Variants in LANCL1 observed in about 807,000 individuals in gnomAD.
LANCL1 encodes glutathione S-transferase LANCL1.
A neutral mutation model predicts 50.6 loss-of-function variants in LANCL1; 50 were observed. The observed-to-expected ratio is 0.99, with a 90% confidence interval of 0.79 to 1.25. The LOEUF (loss-of-function observed/expected upper bound fraction) is 1.25, where lower values mean the gene tolerates loss of function less well. Among genes scored for constraint, LANCL1 ranks in the 50% most tolerant of loss-of-function variants. The pLI, the probability that LANCL1 is intolerant of heterozygous loss-of-function variation, is 0.00. For missense variants in LANCL1, 532 were observed against 480.7 expected, an observed-to-expected ratio of 1.11 and a Z score of -1.00; for synonymous variants, 188 against 178.6, an observed-to-expected ratio of 1.05 and a Z score of -0.42.
At chr2:210,438,772 C>T (rs1042549664) in intron 6 of LANCL1, among the ~76,000 whole-genome samples, 30 of 152,178 alleles carry the variant, frequency 2.0e-4, no homozygotes, top group African/African-American at 5.8e-4. Flanking sequence ...GACATAACAA[C>T]GTACAGATCC....
In LANCL1 at chr2:210,455,102, A is replaced by T; in HGVS notation, c.407+5T>A. On this transcript the variant is annotated splice_donor_5th_base_variant and intron_variant, in intron 4 of 9. Transcript: ENST00000450366. ...AAAATAATCCTCATATAGAAACATGATTACCGTGTGATGCAATCTTCTGCC... is the reference window on the plus strand; with the variant it reads ...AAAATAATCCTCATATAGAAACATGTTTACCGTGTGATGCAATCTTCTGCC... The T allele has an allele frequency of 6.2e-7, 1 of 1,609,138 alleles. No individual in the cohort carries two copies. Among genetic ancestry groups the T allele is most frequent in the Non-Finnish European group, 8.5e-7 (1 of 1,175,784 alleles).
chr2:210,436,508 G>T, intron 7 of LANCL1, 116 bp from the exon 8 acceptor site: 1 of 961,006 alleles, frequency 1.0e-6, no homozygotes, highest in Non-Finnish European at 1.6e-6. Flanking sequence ...AAGGGTAAAG[G>T]ATTTAGTGAC....
rs1467560081 is a variant in LANCL1, at chr2:210,433,000, A to G, written c.*1487T>C. On this transcript the variant is annotated 3_prime_UTR_variant, in exon 10 of 10. Coordinates refer to ENST00000450366, the MANE Select transcript of LANCL1 (RefSeq NM_006055.3). ...TTGGTGCTAAACAGGAGATAATAGGAGACTGCTACCTGCAGGAACCAGTAC... is the reference window on the plus strand; with the variant it reads ...TTGGTGCTAAACAGGAGATAATAGGGGACTGCTACCTGCAGGAACCAGTAC... 1 of 152,650 alleles carries G rather than the reference A, an allele frequency of 6.6e-6. No homozygotes were observed. The highest frequency in any genetic ancestry group is 1.9e-4 in the East Asian group (1 of 5,194). 9.5% of individuals were successfully genotyped at this position (152,650 alleles called of 1,614,324 possible).
At position 210,432,263 on chromosome 2, in the gene LANCL1, A is replaced by T. The variant is rs1367642579; in HGVS notation, c.*2224T>A. The T allele has an allele frequency of 3.3e-5, 5 of 152,160 alleles. No homozygotes were observed. Among genetic ancestry groups the T allele is most frequent in the Non-Finnish European group, 4.4e-5 (3 of 68,030 alleles). The allele number at this position is 152,160 out of a possible 1,614,324, so 9.4% of individuals were successfully genotyped here. A position where few individuals can be genotyped will look rare whatever the true frequency, so the allele number is the denominator to read the frequency against. Reference sequence around the variant, plus strand: ...AAATACAACAAATAGCATACATATAAAATTGTGCCAGTTTAGTAAGTTTTG... The same window carrying T: ...AAATACAACAAATAGCATACATATATAATTGTGCCAGTTTAGTAAGTTTTG... On this transcript the variant is annotated 3_prime_UTR_variant, in exon 10 of 10. Transcript: ENST00000450366.
chr2:210,470,357 A>G (rs1057322175), intron 3 of LANCL1, among the ~76,000 whole-genome samples: 4 of 152,300 alleles, frequency 2.6e-5, no homozygotes, highest in Admixed American at 2.6e-4. Flanking sequence ...TATTTTTACA[A>G]AACATTGACT....
rs1240628015 is a variant in LANCL1, at chr2:210,448,998, C to T, written c.407+6109G>A. On this transcript the variant is annotated intron_variant, in intron 4 of 9. Coordinates refer to ENST00000450366, the MANE Select transcript of LANCL1 (RefSeq NM_006055.3). Reference sequence around the variant, plus strand: ...GGAAAAAAGGGACTCCTCCCTAACTCATTTTATGAGGCATCATCCTGATAC... The same window carrying T: ...GGAAAAAAGGGACTCCTCCCTAACTTATTTTATGAGGCATCATCCTGATAC... Among the ~76,000 whole-genome samples, 16 of 152,134 alleles carry T rather than the reference C, an allele frequency of 1.1e-4. 1 individual carries two copies. Among genetic ancestry groups the T allele is most frequent in the Admixed American group, 8.5e-4 (13 of 15,272 alleles).
intron 2 of LANCL1, among the ~76,000 whole-genome samples, chr2:210,474,635 A>C (rs1388699032): frequency 6.6e-6 from 1 of 151,964 alleles, no homozygotes; most frequent in African/African-American, 2.4e-5. Context: ...CTGGGGCATG[A>C]GAGTCACTTG....
At chr2:210,476,578 C>T in intron 1 of LANCL1, 42 bp downstream of exon 1, 1 of 1,370,654 alleles carries the variant, frequency 7.3e-7, no homozygotes, top group Non-Finnish European at 9.4e-7. Flanking sequence ...ACTGCTAGGA[C>T]ATGGCGCCTT....
Position 210,440,632 on chromosome 2 carries a change from T to C in LANCL1, c.656A>G (p.His219Arg). The part of the protein sequence containing the change: ...WYQEYYVGAA[H>R]GLAGIYYYLM... ...GTAGTAATAAATTCCAGCCAGGCCA[T>C]GAGCAGCCCCTACATAATATTCCTG... The change falls in exon 6 of 10, where the codon CAT (histidine) becomes CGT (arginine). Residue 219 changes from histidine (H) to arginine (R), a missense_variant. Physicochemically the swap from His to Arg is conservative, Grantham distance 29. Coordinates refer to ENST00000450366, the MANE Select transcript of LANCL1 (RefSeq NM_006055.3). 14 of 1,613,406 alleles carry C rather than the reference T, an allele frequency of 8.7e-6. No homozygotes were observed. Among genetic ancestry groups the C allele is most frequent in the Non-Finnish European group, 1.2e-5 (14 of 1,179,708 alleles).
chr2:210,443,629 G>A (rs73069781), intron 4 of LANCL1, among the ~76,000 whole-genome samples: 3,288 of 152,240 alleles, frequency 0.022, 105 homozygotes, highest in African/African-American at 0.076. Context: ...TTAAGCAGAA[G>A]CAGTGTGCCG....
At chr2:210,456,155 T>G in intron 3 of LANCL1, among the ~76,000 whole-genome samples, 1 of 152,066 alleles carries the variant, frequency 6.6e-6, no homozygotes. Flanking sequence ...AGATGTGGAG[T>G]AGGAAGCCTG....
At chr2:210,437,664 A>T (rs766008266) in intron 7 of LANCL1, 26 bp downstream of exon 7, 81 of 1,419,110 alleles carry the variant, frequency 5.7e-5, no homozygotes, top group Non-Finnish European at 7.2e-5. Flanking sequence ...ATTTAAAAAA[A>T]TTTATTTCAA....
intron 3 of LANCL1, among the ~76,000 whole-genome samples, chr2:210,458,582 A>C (rs1203075363): frequency 1.3e-5 from 2 of 152,128 alleles, no homozygotes; most frequent in East Asian, 3.9e-4. Flanking sequence ...GTCAGAATGA[A>C]CTGGAAAGAT....
At chr2:210,475,715 T>G (rs1694336082) in intron 2 of LANCL1, among the ~76,000 whole-genome samples, 1 of 152,218 alleles carries the variant, frequency 6.6e-6, no homozygotes, top group African/African-American at 2.4e-5. Flanking sequence ...CACAGGCCCC[T>G]AGTATTTTAC....
chr2:210,454,758 G>A (rs1321080157), intron 4 of LANCL1, among the ~76,000 whole-genome samples: 1 of 152,212 alleles, frequency 6.6e-6, no homozygotes, highest in Non-Finnish European at 1.5e-5. Flanking sequence ...TGGTCCCTTA[G>A]AAGGACTCTC....
At chr2:210,441,908 ATTT>A (rs35332921) in intron 4 of LANCL1, among the ~76,000 whole-genome samples, 1 of 143,238 alleles carries the variant, frequency 7.0e-6, no homozygotes, top group Admixed American at 6.9e-5. Flanking sequence ...ATACATGTAC[ATTT>A]TTTTTTTTTT....
chr2:210,467,580 A>T (rs1694104230), intron 3 of LANCL1, among the ~76,000 whole-genome samples: 1 of 152,204 alleles, frequency 6.6e-6, no homozygotes, highest in African/African-American at 2.4e-5. Context: ...GTAACACACA[A>T]AATATGTGTT....
intron 1 of LANCL1, 41 bp from the exon 2 acceptor site, chr2:210,476,453 G>T (rs1694379272): frequency 1.9e-6 from 3 of 1,549,994 alleles, no homozygotes; most frequent in African/African-American, 3.0e-5. Context: ...TTGAGATAGG[G>T]GCCTCGGCCG....
At chr2:210,440,349 A>C (rs1336749351) in intron 6 of LANCL1, among the ~76,000 whole-genome samples, 1 of 152,242 alleles carries the variant, frequency 6.6e-6, no homozygotes, top group Non-Finnish European at 1.5e-5. Flanking sequence ...AGTGGCACTA[A>C]GTGGGCAAGC....
Sources: gnomAD v4.1 joint callset for allele counts (sites outside exome capture counted in the v4.1 genomes callset) on GRCh38, gnomAD v4.1.1 for gene constraint, MANE v1.5 for transcripts, NCBI Gene and HGNC (gene_info 2026-07-23, HGNC 2026-07-21) for gene names.